KLHL6: variants seen among roughly 807,000 people sequenced by gnomAD.
KLHL6 encodes the protein kelch like family member 6, also known as kelch-like protein 6.
KLHL6 carries 41 observed loss-of-function variants against 58.6 expected under a neutral mutation model. The observed-to-expected ratio is 0.70, with a 90% confidence interval of 0.55 to 0.91. KLHL6 has a LOEUF of 0.91. KLHL6 is among the 40% of genes least tolerant of loss of function. KLHL6 has a pLI of 0.00. For missense variants in KLHL6, 714 were observed against 805.6 expected, an observed-to-expected ratio of 0.89 and a Z score of 1.38; for synonymous variants, 338 against 322.7, an observed-to-expected ratio of 1.05 and a Z score of -0.51.
intron 2 of KLHL6, among the ~76,000 whole-genome samples, chr3:183,524,207 T>C (rs996353958): frequency 2.6e-5 from 4 of 152,128 alleles, no homozygotes; most frequent in Admixed American, 6.5e-5. Context: ...GTCCATAGTT[T>C]GGGGCTGGCT....
rs2108660393 is a variant in KLHL6, at chr3:183,490,078, T to C, written c.*1849A>G. 1 of 152,324 alleles carries C rather than the reference T, an allele frequency of 6.6e-6. No individual in the cohort carries two copies. Among genetic ancestry groups the C allele is most frequent in the East Asian group, 1.9e-4 (1 of 5,188 alleles). The allele number at this position is 152,324 out of a possible 1,614,324, so 9.4% of individuals were successfully genotyped here. A position where few individuals can be genotyped will look rare whatever the true frequency, so the allele number is the denominator to read the frequency against. On this transcript the variant is annotated 3_prime_UTR_variant, in exon 7 of 7. Transcript: ENST00000341319. The stretch of plus-strand genomic sequence containing the variant: ...GCATATGAAACAGGATCTCTTAACC[T>C]GTTTCTCCAGCTTGGGGATTAGAAT...
chr3:183,546,713 G>T (rs1033487117), intron 1 of KLHL6, among the ~76,000 whole-genome samples: 3 of 152,180 alleles, frequency 2.0e-5, no homozygotes, highest in African/African-American at 7.2e-5. Context: ...CACGCATAAA[G>T]TGTTGGGGCA....
Position 183,492,392 on chromosome 3 carries a change from G to T in KLHL6, c.1564+102C>A. The T allele has an allele frequency of 1.5e-6, 2 of 1,371,658 alleles. No individual in the cohort carries two copies. The allele number at this position is 1,371,658 out of a possible 1,614,324, so 85.0% of individuals were successfully genotyped here. ...AGCCAGAGTGGGTCCTAGGGGCAGT[G>T]AGTTGCCAGCGCTGGAGACACCGCG... On this transcript the variant is annotated intron_variant, in intron 6 of 6. Transcript: ENST00000341319. This position sits in a 1 kb window ranked among gnomAD's most constrained non-coding sequence, Gnocchi z 5.9.
At chr3:183,512,478 T>C (rs976087608) in intron 2 of KLHL6, among the ~76,000 whole-genome samples, 2 of 152,152 alleles carry the variant, frequency 1.3e-5, no homozygotes, top group African/African-American at 2.4e-5. Context: ...TCACAAATCA[T>C]ATTATGTACA....
In KLHL6 at chr3:183,492,725, A is replaced by G. The variant is rs1430206798; in HGVS notation, c.1351-18T>C. 1 of 1,611,306 alleles carries G rather than the reference A, an allele frequency of 6.2e-7. No homozygotes were observed. Among genetic ancestry groups the G allele is most frequent in the South Asian group, 1.1e-5 (1 of 90,830 alleles). ...GGTGCGGCCTGTAGAGGCACAGGGC[A>G]CAAGAAGAAGCTGTCAGTCATGCTG... On this transcript the variant is annotated intron_variant, in intron 5 of 6. Transcript: ENST00000341319. This position sits in a 1 kb window ranked among gnomAD's most constrained non-coding sequence, Gnocchi z 5.9.
chr3:183,534,617 G>A (rs528167532), intron 1 of KLHL6, among the ~76,000 whole-genome samples: 2 of 152,082 alleles, frequency 1.3e-5, no homozygotes, highest in East Asian at 3.9e-4. Flanking sequence ...TGCCCAGGCT[G>A]GTCTCAAACT....
At chr3:183,504,264 G>A (rs1231899572) in intron 3 of KLHL6, among the ~76,000 whole-genome samples, 1 of 152,146 alleles carries the variant, frequency 6.6e-6, no homozygotes, top group Non-Finnish European at 1.5e-5. Flanking sequence ...TCTCAAGACA[G>A]TTCTATCAGT....
Position 183,546,758 on chromosome 3 carries a change from C to T in KLHL6, c.293+8603G>A, listed in dbSNP as rs186787186. ...ATAAATGAATCCATTTTACTATTCG[C>T]GTTTCACAACTTGCTGGGATCGGTA... On this transcript the variant is annotated intron_variant, in intron 1 of 6. Coordinates refer to ENST00000341319, the MANE Select transcript of KLHL6 (RefSeq NM_130446.4). 4.1e-4 allele frequency among the ~76,000 whole-genome samples: 63 copies of T among 152,310 alleles called. 1 individual carries two copies. The highest frequency in any genetic ancestry group is 2.3e-3 in the Admixed American group (35 of 15,298).
chr3:183,534,950 A>ATATATATTT (rs1356557331), intron 1 of KLHL6, among the ~76,000 whole-genome samples: 9 of 96,754 alleles, frequency 9.3e-5, no homozygotes, highest in African/African-American at 2.4e-4. Context: ...ATATATATAT[A>ATATATATTT]TTTTTTTTTT....
chr3:183,513,941 A>C (rs977063216), intron 2 of KLHL6, among the ~76,000 whole-genome samples: 34 of 151,570 alleles, frequency 2.2e-4, no homozygotes, highest in Non-Finnish European at 1.5e-4. Context: ...TCATTGTTCA[A>C]CTCCCACTTA....
intron 3 of KLHL6, among the ~76,000 whole-genome samples, chr3:183,502,013 G>A (rs1160132096): frequency 2.0e-5 from 3 of 152,126 alleles, no homozygotes; most frequent in Admixed American, 6.6e-5. Flanking sequence ...GAGTGAGCTG[G>A]GTGCAGTGGC....
chr3:183,507,636 T>C (rs964765318), intron 3 of KLHL6, among the ~76,000 whole-genome samples: 1 of 152,140 alleles, frequency 6.6e-6, no homozygotes, highest in African/African-American at 2.4e-5. Context: ...GGTTTCACCA[T>C]GTTGGCCAGG....
rs1157184462 is a variant in KLHL6 at position 183,555,675 on chromosome 3, G to T, written c.-22C>A. 7 of 1,554,654 alleles carry T rather than the reference G, an allele frequency of 4.5e-6. No homozygotes were observed. Among genetic ancestry groups the T allele is most frequent in the Non-Finnish European group, 6.1e-6 (7 of 1,153,948 alleles). The stretch of plus-strand genomic sequence containing the variant: ...ACATCGAGACTGAAGGAGCGCCCAA[G>T]TGTCAGGCAGGCCCCATTGCAGGAG... On this transcript the variant is annotated 5_prime_UTR_variant, in exon 1 of 7. Coordinates refer to ENST00000341319, the MANE Select transcript of KLHL6 (RefSeq NM_130446.4).
Position 183,488,976 on chromosome 3 carries a change from A to G in KLHL6, c.*2951T>C, listed in dbSNP as rs1282969475. The G allele has an allele frequency of 6.6e-6, 1 of 152,242 alleles. No homozygotes were observed. The highest frequency in any genetic ancestry group is 1.9e-4 in the East Asian group (1 of 5,198). The allele number at this position is 152,242 out of a possible 1,614,324, so 9.4% of individuals were successfully genotyped here. Reference sequence around the variant, plus strand: ...TGCATATCTGGTGTTGTAAAAAATCATAAAGAGTGTTTCCATGATTCATTT... The same window carrying G: ...TGCATATCTGGTGTTGTAAAAAATCGTAAAGAGTGTTTCCATGATTCATTT... On this transcript the variant is annotated 3_prime_UTR_variant, in exon 7 of 7. Coordinates refer to ENST00000341319, the MANE Select transcript of KLHL6 (RefSeq NM_130446.4).
intron 1 of KLHL6, among the ~76,000 whole-genome samples, chr3:183,528,254 T>C (rs1028227757): frequency 5.9e-5 from 9 of 152,190 alleles, no homozygotes; most frequent in African/African-American, 1.9e-4. Context: ...CAGTCCCAGA[T>C]CTATTTTATT....
At chr3:183,525,267 A>ACACACACACACAC (rs1553811023) in intron 2 of KLHL6, among the ~76,000 whole-genome samples, 1,870 of 125,630 alleles carry the variant, frequency 0.015, 63 homozygotes, top group East Asian at 0.12. Flanking sequence ...CTCTAAAAAA[A>ACACACACACACAC]AAACACACAC....
At chr3:183,503,357 GT>G (rs1437914217) in intron 3 of KLHL6, among the ~76,000 whole-genome samples, 2 of 152,246 alleles carry the variant, frequency 1.3e-5, no homozygotes, top group African/African-American at 4.8e-5. Flanking sequence ...AATTTCCTCT[GT>G]CCCCAAAGTT....
At chr3:183,554,591 C>T (rs898157460) in intron 1 of KLHL6, among the ~76,000 whole-genome samples, 3 of 152,198 alleles carry the variant, frequency 2.0e-5, no homozygotes, top group Non-Finnish European at 4.4e-5. Context: ...CTTTCCCTTT[C>T]CCCACACTGC....
At chr3:183,494,348 T>A in intron 4 of KLHL6, 67 bp from the exon 5 acceptor site, 1 of 1,360,140 alleles carries the variant, frequency 7.4e-7, no homozygotes, top group Non-Finnish European at 1.0e-6. Flanking sequence ...TCCCATAATA[T>A]CCCACATGTC....
Sources: allele counts gnomAD v4.1 joint callset (sites outside exome capture counted in the v4.1 genomes callset), GRCh38; gene constraint gnomAD v4.1.1; non-coding constraint Gnocchi (gnomAD v3.1); transcripts MANE v1.5; gene names NCBI Gene and HGNC (gene_info 2026-07-23, HGNC 2026-07-21).